The following WNT9A variants were observed in gnomAD, a reference collection of about 807,000 sequenced individuals.
The protein encoded by WNT9A is Wnt family member 9A, also known as protein Wnt-9a.
A neutral mutation model predicts 31.4 loss-of-function variants in WNT9A; 8 were observed. The ratio of observed to expected loss-of-function variants is 0.26; its 90% CI spans 0.15 to 0.46. WNT9A has a LOEUF of 0.46. WNT9A is among the 20% of genes least tolerant of loss of function. The pLI is 0.99. For synonymous variants in WNT9A, 236 were observed against 220.1 expected (o/e 1.07, Z -0.64); for missense variants, 457 against 522.9 (o/e 0.87, Z 1.23).
At chr1:227,943,787 C>G (rs1666751560) in intron 1 of WNT9A, among the ~76,000 whole-genome samples, 1 of 152,122 alleles carries the variant, frequency 6.6e-6, no homozygotes, top group Non-Finnish European at 1.5e-5. Context: ...TCAGCCTGGA[C>G]AGCATGGTAA....
At position 227,942,101 on chromosome 1, in the gene WNT9A, G is replaced by A. The variant is rs1666718411; in HGVS notation, c.95+5692C>T. On this transcript the variant is annotated intron_variant, in intron 1 of 3. Transcript: ENST00000272164. This position sits in a 1 kb window ranked among gnomAD's most constrained non-coding sequence, Gnocchi z 5.7. Reference sequence around the variant, plus strand: ...AGCCCGGGCCACCCCAGCAGCCGGCGGAAGGTCCCAGGCCAGGGCAGGCAC... The same window carrying A: ...AGCCCGGGCCACCCCAGCAGCCGGCAGAAGGTCCCAGGCCAGGGCAGGCAC... Among the ~76,000 whole-genome samples the A allele has an allele frequency of 6.6e-6, 1 of 152,130 alleles. No individual in the cohort carries two copies. Among genetic ancestry groups the A allele is most frequent in the Non-Finnish European group, 1.5e-5 (1 of 67,982 alleles).
At chr1:227,945,677 AC>A (rs1429628711) in intron 1 of WNT9A, among the ~76,000 whole-genome samples, 1 of 150,670 alleles carries the variant, frequency 6.6e-6, no homozygotes, top group Non-Finnish European at 1.5e-5. Context: ...GGGAAGGGCC[AC>A]CCCAGCCCCC....
intron 3 of WNT9A, among the ~76,000 whole-genome samples, chr1:227,923,486 A>G (rs1465059510): frequency 6.6e-6 from 1 of 152,162 alleles, no homozygotes; most frequent in Non-Finnish European, 1.5e-5. Context: ...ATGACCAGAG[A>G]GCCAGGGTCA....
Position 227,921,078 on chromosome 1 carries a change from C to G in WNT9A, c.*440G>C. Reference sequence around the variant, plus strand: ...CCTGCACAGCAGGGTTGGCCAGGCCCGGGGACTCGTCCCTTGCAGGTGTAG... The same window carrying G: ...CCTGCACAGCAGGGTTGGCCAGGCCGGGGGACTCGTCCCTTGCAGGTGTAG... On this transcript the variant is annotated 3_prime_UTR_variant, in exon 4 of 4. Transcript: ENST00000272164. The G allele has an allele frequency of 5.5e-6, 1 of 180,770 alleles. No homozygotes were observed. Among genetic ancestry groups the G allele is most frequent in the Non-Finnish European group, 1.2e-5 (1 of 85,850 alleles). 11.2% of individuals were successfully genotyped at this position (180,770 alleles called of 1,614,324 possible).
chr1:227,936,422 C>G (rs1260294472), intron 1 of WNT9A, among the ~76,000 whole-genome samples: 1 of 152,146 alleles, frequency 6.6e-6, no homozygotes. Flanking sequence ...AAATTCCTAA[C>G]CTCAGGTGAT....
chr1:227,922,239 C>T (rs1035160271), intron 3 of WNT9A, among the ~76,000 whole-genome samples: 1 of 152,214 alleles, frequency 6.6e-6, no homozygotes, highest in Non-Finnish European at 1.5e-5. Flanking sequence ...CACCTCAGCC[C>T]CTGGGGTGGC....
rs1301504476 is a variant in WNT9A, at chr1:227,921,525, T to C, written c.1091A>G (p.Lys364Arg). The C allele has an allele frequency of 1.9e-6, 3 of 1,606,144 alleles. No individual in the cohort carries two copies. Among genetic ancestry groups the C allele is most frequent in the Non-Finnish European group, 2.6e-6 (3 of 1,174,676 alleles). Residue 364 changes from lysine (K) to arginine (R), a missense_variant, in exon 4 of 4, where the codon AAG (lysine) becomes AGG (arginine). By Grantham distance (26) the Lys-to-Arg change is conservative. Coordinates refer to ENST00000272164, the MANE Select transcript of WNT9A (RefSeq NM_003395.4). ...CTQREEVYTCKG is the reference protein window; with the variant it reads ...CTQREEVYTCRG ...CTGGCAGGGCCTGGGAACTCAGCCC[T>C]TGCAGGTGTAGACCTCCTCACGCTG... is the stretch of plus-strand genomic sequence containing the variant.
At position 227,920,078 on chromosome 1, in the gene WNT9A, C is replaced by T. The variant is rs1666283662; in HGVS notation, c.*1440G>A. On this transcript the variant is annotated 3_prime_UTR_variant, in exon 4 of 4. Coordinates refer to ENST00000272164, the MANE Select transcript of WNT9A (RefSeq NM_003395.4). ...TCAAAGGGCTGCCCTGCCCCCTCAC[C>T]ATGCCCGCCCCTCTCCACCACCCCC... 1 of 152,436 alleles carries T rather than the reference C, an allele frequency of 6.6e-6. No individual in the cohort carries two copies. Among genetic ancestry groups the T allele is most frequent in the African/African-American group, 2.4e-5 (1 of 41,468 alleles). The allele number at this position is 152,436 out of a possible 1,614,324, so 9.4% of individuals were successfully genotyped here.
chr1:227,935,599 C>T (rs1182374589), intron 1 of WNT9A, among the ~76,000 whole-genome samples: 1 of 152,246 alleles, frequency 6.6e-6, no homozygotes, highest in Non-Finnish European at 1.5e-5. Context: ...AAGCCCTTAA[C>T]CACACTCCAA....
rs1343914761 is a variant in WNT9A, at chr1:227,920,339, A to AGGAGGGAATATGTCAG, written c.*1163_*1178dup. On this transcript the variant is annotated 3_prime_UTR_variant, in exon 4 of 4. Transcript: ENST00000272164. The stretch of plus-strand genomic sequence containing the variant: ...AACTAAGCAGATCAGAGGCAGGGTT[A>AGGAGGGAATATGTCAG]GGAGGGAATATGTCAGGGACGGAAG... 6.6e-6 allele frequency: 1 copy of AGGAGGGAATATGTCAG among 152,250 alleles called. No individual in the cohort carries two copies. Among genetic ancestry groups the AGGAGGGAATATGTCAG allele is most frequent in the African/African-American group, 2.4e-5 (1 of 41,476 alleles). 9.4% of individuals were successfully genotyped at this position (152,250 alleles called of 1,614,324 possible).
chr1:227,928,733 G>A lies in WNT9A; in HGVS notation c.96-3214C>T, dbSNP rs1666460726. On this transcript the variant is annotated intron_variant, in intron 1 of 3. Coordinates refer to ENST00000272164, the MANE Select transcript of WNT9A (RefSeq NM_003395.4). This position sits in a 1 kb window ranked among gnomAD's most constrained non-coding sequence, Gnocchi z 4.5. Reference sequence around the variant, plus strand: ...CTGACAGGCAGGGCTTCCAGGTGGGGCTCTCTTTCTGCCACACGACAGAGC... The same window carrying A: ...CTGACAGGCAGGGCTTCCAGGTGGGACTCTCTTTCTGCCACACGACAGAGC... 6.6e-6 allele frequency among the ~76,000 whole-genome samples: 1 copy of A among 152,198 alleles called. No homozygotes were observed. Among genetic ancestry groups the A allele is most frequent in the African/African-American group, 2.4e-5 (1 of 41,436 alleles).
chr1:227,924,576 G>A (rs1017808288), intron 2 of WNT9A, among the ~76,000 whole-genome samples, 176 bp from the exon 3 acceptor site: 9 of 152,170 alleles, frequency 5.9e-5, no homozygotes, highest in Non-Finnish European at 7.3e-5. Flanking sequence ...GGTAGGAAAC[G>A]CCTGGGTGTC....
In WNT9A at chr1:227,940,186, C is replaced by G. The variant is rs558188669; in HGVS notation, c.95+7607G>C. 3.2e-4 allele frequency among the ~76,000 whole-genome samples: 49 copies of G among 152,370 alleles called. 1 individual carries two copies. The highest frequency in any genetic ancestry group is 2.7e-3 in the East Asian group (14 of 5,188). On this transcript the variant is annotated intron_variant, in intron 1 of 3. Transcript: ENST00000272164. The stretch of plus-strand genomic sequence containing the variant: ...CCAGACCACAGAGGCCAGCCCAGCT[C>G]CCCCAGGCTACTTGGGCTGACTGCC...
rs1380757827 is a variant in WNT9A, at chr1:227,919,173, A to G, written c.*2345T>C. ...ACCTTCCTCTGACTTGACGCCCTTC[A>G]TAGACCCAATAGTGACTGAGTGACA... On this transcript the variant is annotated 3_prime_UTR_variant, in exon 4 of 4. Transcript: ENST00000272164. 4 of 152,262 alleles carry G rather than the reference A, an allele frequency of 2.6e-5. No homozygotes were observed. Among genetic ancestry groups the G allele is most frequent in the Non-Finnish European group, 5.9e-5 (4 of 68,046 alleles). 9.4% of individuals were successfully genotyped at this position (152,262 alleles called of 1,614,324 possible).
intron 1 of WNT9A, among the ~76,000 whole-genome samples, chr1:227,929,120 T>A (rs1387739612): frequency 2.0e-5 from 3 of 152,046 alleles, no homozygotes; most frequent in African/African-American, 7.2e-5. Flanking sequence ...ACCAACTGGC[T>A]CTTCAAACCT....
intron 1 of WNT9A, among the ~76,000 whole-genome samples, chr1:227,930,195 C>T (rs1396222763): frequency 1.3e-5 from 2 of 152,172 alleles, no homozygotes; most frequent in Non-Finnish European, 2.9e-5. Flanking sequence ...TGTGGCGTGT[C>T]ACGTGGTCCA....
chr1:227,929,084 A>G (rs1666466804), intron 1 of WNT9A, among the ~76,000 whole-genome samples: 1 of 152,164 alleles, frequency 6.6e-6, no homozygotes, highest in Non-Finnish European at 1.5e-5. Flanking sequence ...GACAAAGGGT[A>G]TAAACCTACA....
chr1:227,932,266 A>G (rs1490146586), intron 1 of WNT9A, among the ~76,000 whole-genome samples: 2 of 152,250 alleles, frequency 1.3e-5, no homozygotes, highest in African/African-American at 4.8e-5. Context: ...AGTAGATTCC[A>G]TCTCAAGAAA....
intron 1 of WNT9A, among the ~76,000 whole-genome samples, chr1:227,937,892 C>T (rs1450830151): frequency 6.6e-6 from 1 of 152,218 alleles, no homozygotes; most frequent in African/African-American, 2.4e-5. Flanking sequence ...GCTTCTAGGG[C>T]CACCTGCGGT....
Sources: gnomAD v4.1 joint callset for allele counts (sites outside exome capture counted in the v4.1 genomes callset) on GRCh38, gnomAD v4.1.1 for gene constraint, Gnocchi (gnomAD v3.1) non-coding constraint, MANE v1.5 for transcripts, NCBI Gene and HGNC (gene_info 2026-07-23, HGNC 2026-07-21) for gene names.